The following VPS13A variants were observed in gnomAD, a reference collection of about 807,000 sequenced individuals.
VPS13A encodes the protein intermembrane lipid transfer protein VPS13A.
Under a neutral mutation model 390.9 loss-of-function variants are expected in VPS13A, and 264 were observed. That is an observed-to-expected ratio of 0.68 (90% CI 0.61 to 0.75). The LOEUF is 0.75. Ranked by LOEUF, VPS13A falls within the 30% of genes least tolerant of loss-of-function variation. The pLI is 0.00. For missense variants in VPS13A, 3,409 were observed against 3,733.9 expected (o/e 0.91, Z 2.27); for synonymous variants, 1,231 against 1,227.1 (o/e 1.00, Z -0.07).
chr9:77,390,901 C>T (rs947147663), intron 68 of VPS13A, among the ~76,000 whole-genome samples: 11 of 152,030 alleles, frequency 7.2e-5, no homozygotes, highest in Admixed American at 6.6e-5. Context: ...CTAGATCTTT[C>T]AGTTTGTCAT....
In VPS13A at chr9:77,259,847, A is replaced by G. The variant is rs115452603; in HGVS notation, c.2289-239A>G. On this transcript the variant is annotated intron_variant, in intron 22 of 71. Coordinates refer to ENST00000360280, the MANE Select transcript of VPS13A (RefSeq NM_033305.3). ...AACACTTGATTAGTAGTAATTGTCA[A>G]TTGTATATAGCAAACAGTAGAAGGA... Among the ~76,000 whole-genome samples, 881 of 152,338 alleles carry G rather than the reference A, an allele frequency of 5.8e-3. 12 individuals are homozygous for G. The highest frequency in any genetic ancestry group is 0.02 in the African/African-American group (849 of 41,576).
rs1563990913 is a variant in VPS13A, at chr9:77,399,198, AAAAAAAAC to A, written c.9190-4034_9190-4027del. On this transcript the variant is annotated intron_variant, in intron 68 of 71. Transcript: ENST00000360280. ...AAAAAAAATAAAAAAAAAAAAAAAAAAAAAAAACAAAGGATACGGTTGATTACGTTTCA... is the reference window on the plus strand; with the variant it reads ...AAAAAAAATAAAAAAAAAAAAAAAAAAAAGGATACGGTTGATTACGTTTCA... Among the ~76,000 whole-genome samples the A allele has an allele frequency of 4.0e-3, 442 of 110,858 alleles. 1 individual carries two copies. The highest frequency in any genetic ancestry group is 8.7e-3 in the Middle Eastern group (2 of 230). 72.7% of individuals were successfully genotyped at this position (110,858 alleles called of 152,430 possible).
chr9:77,289,076 T>C (rs1293320180), intron 31 of VPS13A, among the ~76,000 whole-genome samples: 1 of 152,148 alleles, frequency 6.6e-6, no homozygotes, highest in Non-Finnish European at 1.5e-5. Flanking sequence ...CTTTAGCTTT[T>C]AATGGATGTT....
At chr9:77,276,492 G>T (rs901684067) in intron 26 of VPS13A, among the ~76,000 whole-genome samples, 6 of 152,226 alleles carry the variant, frequency 3.9e-5, no homozygotes, top group African/African-American at 1.4e-4. Context: ...CACTTAATTA[G>T]TTTTCTATTG....
At chr9:77,296,574 A>G (rs147192396) in intron 33 of VPS13A, among the ~76,000 whole-genome samples, 3 of 152,076 alleles carry the variant, frequency 2.0e-5, no homozygotes, top group South Asian at 2.1e-4. Flanking sequence ...TTAGCTTCCT[A>G]TGAGTCTGTC....
intron 67 of VPS13A, among the ~76,000 whole-genome samples, chr9:77,379,287 C>G (rs1428557057): frequency 6.7e-6 from 1 of 149,788 alleles, no homozygotes; most frequent in African/African-American, 2.5e-5. Context: ...GTTGCCCAGG[C>G]TGGAGTGCAA....
intron 20 of VPS13A, among the ~76,000 whole-genome samples, chr9:77,247,835 A>G (rs966171917): frequency 6.6e-6 from 1 of 151,698 alleles, no homozygotes; most frequent in South Asian, 2.1e-4. Context: ...TAATTTTTGT[A>G]TTTTTAGTAG....
At chr9:77,192,851 G>A (rs1424442026) in intron 1 of VPS13A, among the ~76,000 whole-genome samples, 1 of 151,964 alleles carries the variant, frequency 6.6e-6, no homozygotes. Context: ...TATCTTGCAG[G>A]GGTTCTATGA....
At chr9:77,194,959 G>A (rs112222524) in intron 1 of VPS13A, among the ~76,000 whole-genome samples, 316 of 152,068 alleles carry the variant, frequency 2.1e-3, no homozygotes, top group African/African-American at 7.2e-3. Context: ...AGGAATAAAA[G>A]TTTTAACATT....
At chr9:77,190,109 G>C (rs1180697914) in intron 1 of VPS13A, among the ~76,000 whole-genome samples, 4 of 152,082 alleles carry the variant, frequency 2.6e-5, no homozygotes, top group Non-Finnish European at 4.4e-5. Context: ...TTTCCTGATT[G>C]CTCTGGCTAA....
chr9:77,326,544 T>C (rs988071808), intron 45 of VPS13A, among the ~76,000 whole-genome samples: 1 of 152,108 alleles, frequency 6.6e-6, no homozygotes, highest in South Asian at 2.1e-4. Context: ...CCATCTGATA[T>C]ATTTTTCTCA....
chr9:77,220,271 CT>C lies in VPS13A; in HGVS notation c.883-3del, dbSNP rs761831670. ...CATTTAAGAGCTTTAATTTTCCATT[CT>C]TTAGTATTTCAGTATTATGGAGCTT... On this transcript the variant is annotated splice_polypyrimidine_tract_variant and splice_region_variant and intron_variant, in intron 11 of 71. Coordinates refer to ENST00000360280, the MANE Select transcript of VPS13A (RefSeq NM_033305.3). The C allele has an allele frequency of 6.2e-7, 1 of 1,605,222 alleles. No individual in the cohort carries two copies. Among genetic ancestry groups the C allele is most frequent in the Non-Finnish European group, 8.5e-7 (1 of 1,174,166 alleles).
chr9:77,329,332 G>A (rs566865098), intron 45 of VPS13A, among the ~76,000 whole-genome samples: 1 of 152,302 alleles, frequency 6.6e-6, no homozygotes. Flanking sequence ...GATGCAAGAG[G>A]CCTACCTTTT....
chr9:77,253,123 C>T (rs1159022290), intron 22 of VPS13A, among the ~76,000 whole-genome samples: 1 of 152,168 alleles, frequency 6.6e-6, no homozygotes, highest in Non-Finnish European at 1.5e-5. Context: ...TCTTCACTGC[C>T]TCTACAACAC....
At chr9:77,179,290 A>T (rs1467843630) in intron 1 of VPS13A, among the ~76,000 whole-genome samples, 1 of 152,180 alleles carries the variant, frequency 6.6e-6, no homozygotes, top group East Asian at 1.9e-4. Context: ...GACAAATGCT[A>T]AGAGGCATGT....
Position 77,322,925 on chromosome 9 carries a change from C to T in VPS13A, c.5831-142C>T, listed in dbSNP as rs575681271. 1.5e-4 allele frequency: 97 copies of T among 655,512 alleles called. No homozygotes were observed. The African/African-American group carries it at 1.6e-3, about 11-fold the overall frequency. 40.6% of individuals were successfully genotyped at this position (655,512 alleles called of 1,614,324 possible). ...TATATGCTGGCTTCTTAAAATATCC[C>T]TTTTATGGACTATATCCAAAGACTC... On this transcript the variant is annotated intron_variant, in intron 44 of 71. Transcript: ENST00000360280.
chr9:77,225,974 A>T lies in VPS13A; in HGVS notation c.1210A>T (p.Thr404Ser). 1.9e-6 allele frequency: 3 copies of T among 1,612,374 alleles called. No homozygotes were observed. The highest frequency in any genetic ancestry group is 2.5e-6 in the Non-Finnish European group (3 of 1,179,174). Residue 404 changes from threonine (T) to serine (S), a missense_variant, in exon 14 of 72, where the codon ACG (threonine) becomes TCG (serine). Physicochemically the swap from Thr to Ser is moderately conservative, Grantham distance 58. Transcript: ENST00000360280. ...CTTTAATATAACTATAGCTAGACAG[A>T]CGGCAGAAGTTGAGGTAATTCTTGG... The part of the protein sequence containing the change: ...DVFNITIARQ[T>S]AEVEVKKAGY...
rs747364921 is a variant in VPS13A at position 77,213,318 on chromosome 9, A to G, written c.696+4A>G. The stretch of plus-strand genomic sequence containing the variant: ...TAGTGATTATGATAACTCCTTGGTA[A>G]GTAAATTTTTTCTGTATGTATTTGT... On this transcript the variant is annotated splice_donor_region_variant and intron_variant, in intron 9 of 71. Coordinates refer to ENST00000360280, the MANE Select transcript of VPS13A (RefSeq NM_033305.3). The G allele has an allele frequency of 6.2e-7, 1 of 1,610,664 alleles. No individual in the cohort carries two copies. The highest frequency in any genetic ancestry group is 8.5e-7 in the Non-Finnish European group (1 of 1,177,254).
rs1187646540 is a variant in VPS13A at position 77,332,103 on chromosome 9, G to A, written c.6085G>A (p.Gly2029Arg). The A allele has an allele frequency of 1.9e-6, 3 of 1,607,930 alleles. No homozygotes were observed. The East Asian group carries it at 6.7e-5, about 36-fold the overall frequency. Residue 2029 changes from glycine to arginine, a missense_variant, in exon 46 of 72, where the codon GGA becomes AGA. Transcript: ENST00000360280. ...TGAAAATGAATTCAACATACCATTA[G>A]GATCTTACCGGTATTTTGTCTTTAT... The part of the protein sequence containing the change: ...SPENEFNIPL[G>R]SYRSFIFLKP...
Sources: allele counts gnomAD v4.1 joint callset (sites outside exome capture counted in the v4.1 genomes callset), GRCh38; gene constraint gnomAD v4.1.1; transcripts MANE v1.5; gene names NCBI Gene and HGNC (gene_info 2026-07-23, HGNC 2026-07-21).